The following FHAD1 variants were observed in gnomAD, a reference collection of about 807,000 sequenced individuals.
FHAD1 encodes forkhead-associated domain-containing protein 1.
FHAD1 carries 146 observed loss-of-function variants against 191.3 expected under a neutral mutation model. The ratio of observed to expected loss-of-function variants is 0.76; its 90% CI spans 0.67 to 0.88. The LOEUF (loss-of-function observed/expected upper bound fraction) is 0.88. Among genes scored for constraint, FHAD1 ranks in the 40% least tolerant of loss-of-function variants. The pLI, the probability that FHAD1 is intolerant of heterozygous loss-of-function variation, is 0.00. For synonymous variants in FHAD1, 616 were observed against 672.3 expected (o/e 0.92, Z 1.29); for missense variants, 1,635 against 1,785.8 (o/e 0.92, Z 1.52).
chr1:15,307,284 G>C (rs1670802904), intron 6 of FHAD1, among the ~76,000 whole-genome samples: 1 of 152,242 alleles, frequency 6.6e-6, no homozygotes, highest in African/African-American at 2.4e-5. Context: ...TACCTAGGAA[G>C]TAACTAGCTT....
chr1:15,375,538 T>C lies in FHAD1; in HGVS notation c.3578-65T>C, dbSNP rs143884008. The C allele has an allele frequency of 1.3e-4, 191 of 1,418,684 alleles. No homozygotes were observed. The African/African-American group carries it at 1.6e-3, about 12-fold the overall frequency. The allele number at this position is 1,418,684 out of a possible 1,614,324, so 87.9% of individuals were successfully genotyped here. ...GTAAGTGTCCTGTAAATAGTTGCTA[T>C]GGTTATTACATGAAACAACTTCTTC... On this transcript the variant is annotated intron_variant, in intron 27 of 33. Coordinates refer to ENST00000688493, the MANE Select transcript of FHAD1 (RefSeq NM_001391957.1).
chr1:15,372,746 A>G (rs61780971), intron 26 of FHAD1, among the ~76,000 whole-genome samples: 2,671 of 152,396 alleles, frequency 0.018, 36 homozygotes, highest in Non-Finnish European at 0.028. Flanking sequence ...AAAAAGTATT[A>G]TAAAAGAGCC....
At chr1:15,347,097 T>C (rs773486668) in intron 18 of FHAD1, among the ~76,000 whole-genome samples, 1 of 152,242 alleles carries the variant, frequency 6.6e-6, no homozygotes, top group Non-Finnish European at 1.5e-5. Flanking sequence ...GACGTTTACA[T>C]GTCGGTTCTC....
At chr1:15,313,026 CTT>C in intron 7 of FHAD1, 29 bp from the exon 8 acceptor site, 1 of 1,550,990 alleles carries the variant, frequency 6.4e-7, no homozygotes, top group Non-Finnish European at 8.7e-7. Context: ...CTCACTGCCT[CTT>C]TGACCTCTGC....
intron 26 of FHAD1, among the ~76,000 whole-genome samples, chr1:15,370,850 T>C (rs192214366): frequency 9.2e-5 from 14 of 152,266 alleles, no homozygotes; most frequent in Admixed American, 3.3e-4. Flanking sequence ...GTTCCAGTAA[T>C]GGGCTTTGGA....
At chr1:15,343,061 G>A (rs1301930100) in intron 16 of FHAD1, among the ~76,000 whole-genome samples, 2 of 152,132 alleles carry the variant, frequency 1.3e-5, no homozygotes, top group Admixed American at 6.5e-5. Flanking sequence ...GCCTCCAAAA[G>A]TTCTGGGATT....
chr1:15,276,933 T>C lies in FHAD1; in HGVS notation c.300+4404T>C, dbSNP rs1245260047. On this transcript the variant is annotated intron_variant, in intron 3 of 33. Transcript: ENST00000688493. The surrounding 1 kb of genome is among the most constrained non-coding windows in gnomAD (Gnocchi z 4.7). The stretch of plus-strand genomic sequence containing the variant: ...CATTTGCGATGCCCTGAAGCAACTG[T>C]TGAGTAGTAACACTGACTCCCTGCC... Among the ~76,000 whole-genome samples, 1 of 142,344 alleles carries C rather than the reference T, an allele frequency of 7.0e-6. No individual in the cohort carries two copies. Among genetic ancestry groups the C allele is most frequent in the Non-Finnish European group, 1.6e-5 (1 of 63,868 alleles). The allele number at this position is 142,344 out of a possible 152,430, so 93.4% of individuals were successfully genotyped here.
chr1:15,377,166 C>T (rs1320723798), intron 28 of FHAD1, among the ~76,000 whole-genome samples: 2 of 152,248 alleles, frequency 1.3e-5, no homozygotes, highest in Non-Finnish European at 2.9e-5. Context: ...GCTGGATCCA[C>T]ACCACACAGG....
intron 3 of FHAD1, among the ~76,000 whole-genome samples, chr1:15,277,632 C>T (rs1658883782): frequency 6.6e-6 from 1 of 152,206 alleles, no homozygotes; most frequent in South Asian, 2.1e-4. Flanking sequence ...AGGCAAGTTC[C>T]TCACTGCAGT....
Position 15,360,524 on chromosome 1 carries a change from C to T in FHAD1, c.2783C>T (p.Ala928Val). ...RLILQQKMVKALQDEQESQRH... is the reference protein window; with the variant it reads ...RLILQQKMVKVLQDEQESQRH... ...ATCCTGCAGCAGAAGATGGTAAAGG[C>T]CCTCCAGGATGAGCAGGAATCACAG... Residue 928 changes from alanine (A) to valine (V), a missense_variant, in exon 22 of 34, where the codon GCC becomes GTC. Ala to Val is a moderately conservative substitution (Grantham distance 64). Transcript: ENST00000688493. 1.3e-6 allele frequency: 2 copies of T among 1,551,636 alleles called. No homozygotes were observed. Among genetic ancestry groups the T allele is most frequent in the Middle Eastern group, 1.7e-4 (1 of 5,982 alleles).
At chr1:15,266,581 T>A (rs946550347) in intron 2 of FHAD1, among the ~76,000 whole-genome samples, 1 of 152,190 alleles carries the variant, frequency 6.6e-6, no homozygotes, top group African/African-American at 2.4e-5. Flanking sequence ...GAATCAATAT[T>A]CATATGTTAT....
intron 2 of FHAD1, among the ~76,000 whole-genome samples, chr1:15,260,484 A>G (rs1650512110): frequency 6.6e-6 from 1 of 152,232 alleles, no homozygotes; most frequent in African/African-American, 2.4e-5. Context: ...ACTCAAGGCC[A>G]AAATCAAAGT....
rs527433460 is a variant in FHAD1 at position 15,251,938 on chromosome 1, C to T, written c.93+61C>T. On this transcript the variant is annotated intron_variant, in intron 2 of 33. Coordinates refer to ENST00000688493, the MANE Select transcript of FHAD1 (RefSeq NM_001391957.1). ...TGACCCCTTCCTTCTCCCTCTCTAA[C>T]AGTCCTTAGCGTTATGTGGACTCCA... 8.8e-5 allele frequency: 121 copies of T among 1,372,922 alleles called. No individual in the cohort carries two copies. In the South Asian group the frequency reaches 1.1e-3, roughly 13 times the overall value. The allele number at this position is 1,372,922 out of a possible 1,614,324, so 85.0% of individuals were successfully genotyped here. A position where few individuals can be genotyped will look rare whatever the true frequency, so the allele number is the denominator to read the frequency against.
At chr1:15,366,319 A>ACCTTGGCATAAAAAATCCTGCTT (rs1478776286) in intron 24 of FHAD1, among the ~76,000 whole-genome samples, 1 of 148,898 alleles carries the variant, frequency 6.7e-6, no homozygotes, top group Admixed American at 6.7e-5. Context: ...AGAGTTGAAA[A>ACCTTGGCATAAAAAATCCTGCTT]CCTTGGCATA....
intron 33 of FHAD1, among the ~76,000 whole-genome samples, chr1:15,392,261 G>T (rs146817437): frequency 2.0e-5 from 3 of 152,166 alleles, no homozygotes; most frequent in Non-Finnish European, 2.9e-5. Context: ...GGCCAGGCGT[G>T]GTGGCTCACG....
intron 18 of FHAD1, among the ~76,000 whole-genome samples, chr1:15,347,750 G>A (rs1245277836): frequency 6.6e-6 from 1 of 152,168 alleles, no homozygotes; most frequent in Non-Finnish European, 1.5e-5. Context: ...CTCCCGGCCT[G>A]ATTTTCTTTT....
Position 15,381,136 on chromosome 1 carries a change from GA to G in FHAD1, c.3802-92del. 1.2e-6 allele frequency: 1 copy of G among 826,396 alleles called. No homozygotes were observed. Among genetic ancestry groups the G allele is most frequent in the Non-Finnish European group, 1.9e-6 (1 of 519,522 alleles). The allele number at this position is 826,396 out of a possible 1,614,324, so 51.2% of individuals were successfully genotyped here. ...CATGTGCGTGTTCTCTGCAATTGCA[GA>G]AAGTGAATGAAACAGAATTAGACAT... On this transcript the variant is annotated intron_variant, in intron 29 of 33. Transcript: ENST00000688493. The surrounding 1 kb of genome is among the most constrained non-coding windows in gnomAD (Gnocchi z 4.6).
At position 15,289,652 on chromosome 1, in the gene FHAD1, C is replaced by A. The variant is rs772117440; in HGVS notation, c.554C>A (p.Pro185His). 5.3e-5 allele frequency: 82 copies of A among 1,548,300 alleles called. No homozygotes were observed. The highest frequency in any genetic ancestry group is 7.1e-5 in the Non-Finnish European group (81 of 1,144,302). Reference protein sequence around the residue: ...SFVVDDARKPPVIKQVWTNAM... With the variant: ...SFVVDDARKPHVIKQVWTNAM... ...GTGGTGGACGACGCCCGCAAGCCACCCGTCATCAAGCAAGGTATGCGTCAG... is the reference window on the plus strand; with the variant it reads ...GTGGTGGACGACGCCCGCAAGCCACACGTCATCAAGCAAGGTATGCGTCAG... The change falls in exon 4 of 34, where the codon CCC (proline) becomes CAC (histidine). Residue 185 changes from proline to histidine, a missense_variant. Transcript: ENST00000688493. This position sits in a 1 kb window ranked among gnomAD's most constrained non-coding sequence, Gnocchi z 4.2.
rs957115683 is a variant in FHAD1 at position 15,344,973 on chromosome 1, C to T, written c.2131-110C>T. 1.2e-5 allele frequency: 10 copies of T among 828,554 alleles called. No homozygotes were observed. The African/African-American group carries it at 1.5e-4, about 13-fold the overall frequency. The allele number at this position is 828,554 out of a possible 1,614,324, so 51.3% of individuals were successfully genotyped here. A position where few individuals can be genotyped will look rare whatever the true frequency, so the allele number is the denominator to read the frequency against. On this transcript the variant is annotated intron_variant, in intron 16 of 33. Coordinates refer to ENST00000688493, the MANE Select transcript of FHAD1 (RefSeq NM_001391957.1). ...TCCTAGGCTCTGCTGCCCACAGCCTCCCCAGGGGAGTGCGGTGAGGAGTGA... is the reference window on the plus strand; with the variant it reads ...TCCTAGGCTCTGCTGCCCACAGCCTTCCCAGGGGAGTGCGGTGAGGAGTGA...
Sources: allele counts gnomAD v4.1 joint callset (sites outside exome capture counted in the v4.1 genomes callset), GRCh38; gene constraint gnomAD v4.1.1; non-coding constraint Gnocchi (gnomAD v3.1); transcripts MANE v1.5; gene names NCBI Gene and HGNC (gene_info 2026-07-23, HGNC 2026-07-21).